GOLGB1: variants seen among roughly 807,000 people sequenced by gnomAD.
The protein encoded by GOLGB1 is golgin B1.
Under a neutral mutation model 336.9 loss-of-function variants are expected in GOLGB1, and 174 were observed. The observed-to-expected ratio is 0.52, with a 90% confidence interval of 0.46 to 0.59. The LOEUF (loss-of-function observed/expected upper bound fraction) is 0.59. GOLGB1 is among the 20% of genes least tolerant of loss of function. GOLGB1 has a pLI of 0.00. For missense variants in GOLGB1, 3,331 were observed against 3,645.3 expected (o/e 0.91, Z 2.22); for synonymous variants, 1,208 against 1,289.2 (o/e 0.94, Z 1.35).
Position 121,663,341 on chromosome 3 carries a change from G to A in GOLGB1, c.*1139C>T, listed in dbSNP as rs1169532966. ...TTCTCTCTTCTTTAGGGAGAGGCTA[G>A]GCAGTGAACACATCACGTATGCAAT... On this transcript the variant is annotated 3_prime_UTR_variant, in exon 22 of 22. Transcript: ENST00000614479. The A allele has an allele frequency of 6.6e-6, 1 of 152,194 alleles. No individual in the cohort carries two copies. The highest frequency in any genetic ancestry group is 1.5e-5 in the Non-Finnish European group (1 of 68,028). 9.4% of individuals were successfully genotyped at this position (152,194 alleles called of 1,614,324 possible). A position where few individuals can be genotyped will look rare whatever the true frequency, so the allele number is the denominator to read the frequency against.
chr3:121,704,884 A>C (rs939776335), intron 10 of GOLGB1, among the ~76,000 whole-genome samples: 1 of 152,094 alleles, frequency 6.6e-6, no homozygotes, highest in African/African-American at 2.4e-5. Context: ...ACATTTTTAG[A>C]TAAGAAAAAA....
Position 121,691,399 on chromosome 3 carries a change from G to A in GOLGB1, c.7965C>T (p.Ser2655=). Reference sequence around the variant, plus strand: ...CCAGTTCTGCAATTCTCTTTTGAGAGGAGGAAAACAAAGCACTTAACCTGT... The same window carrying A: ...CCAGTTCTGCAATTCTCTTTTGAGAAGAGGAAAACAAAGCACTTAACCTGT... ...EVHRLSALFS[S]SQKRIAELEE... Residue 2655 remains serine (S), a synonymous_variant, in exon 14 of 22, where the codon TCC becomes TCT. Transcript: ENST00000614479. 6.2e-7 allele frequency: 1 copy of A among 1,613,662 alleles called. No homozygotes were observed. Among genetic ancestry groups the A allele is most frequent in the Non-Finnish European group, 8.5e-7 (1 of 1,179,934 alleles).
chr3:121,696,953 G>A lies in GOLGB1; in HGVS notation c.3570C>T (p.Thr1190=), dbSNP rs1943002236. The A allele has an allele frequency of 6.2e-6, 10 of 1,614,012 alleles. No homozygotes were observed. Among genetic ancestry groups the A allele is most frequent in the Non-Finnish European group, 8.5e-6 (10 of 1,179,952 alleles). The change falls in exon 13 of 22, where the codon ACC becomes ACT. Residue 1190 remains threonine (T), a synonymous_variant. Coordinates refer to ENST00000614479, the MANE Select transcript of GOLGB1 (RefSeq NM_001366282.2). ...CCTTTTTAAGAATTGCCTTGCGGGAGGTTAAGGCTTCCTGTAGCTTCTTTT... is the reference window on the plus strand; with the variant it reads ...CCTTTTTAAGAATTGCCTTGCGGGAAGTTAAGGCTTCCTGTAGCTTCTTTT... ...QLQKKLQEAL[T]SRKAILKKAQ...
chr3:121,727,321 T>TATATATATA (rs1491103201), intron 4 of GOLGB1, among the ~76,000 whole-genome samples: 14 of 29,004 alleles, frequency 4.8e-4, no homozygotes, highest in East Asian at 3.0e-3. Flanking sequence ...TATATATATA[T>TATATATATA]TTTTTTTTTT....
At chr3:121,706,370 C>T (rs1317907058) in intron 10 of GOLGB1, among the ~76,000 whole-genome samples, 1 of 151,764 alleles carries the variant, frequency 6.6e-6, no homozygotes, top group Non-Finnish European at 1.5e-5. Context: ...TTCAAGTGCT[C>T]AAAAACAGTG....
chr3:121,729,024 G>T, intron 4 of GOLGB1, 164 bp downstream of exon 4: 1 of 457,382 alleles, frequency 2.2e-6, no homozygotes, highest in Non-Finnish European at 3.9e-6. Context: ...CCTGTGTGTG[G>T]CCTACAGTCC....
At chr3:121,731,082 G>T in intron 1 of GOLGB1, 109 bp from the exon 2 acceptor site, 2 of 1,099,934 alleles carry the variant, frequency 1.8e-6, no homozygotes, top group Non-Finnish European at 2.6e-6. Context: ...TACTGTACAG[G>T]TGATTTGTAT....
rs547002463 is a variant in GOLGB1 at position 121,698,589 on chromosome 3, G to A, written c.1934C>T (p.Ala645Val). Reference sequence around the variant, plus strand: ...TGTTCTACTTTGATGTTCAGTGCTCGCCTGTTCTTTTTCAACTGCTGGAAG... The same window carrying A: ...TGTTCTACTTTGATGTTCAGTGCTCACCTGTTCTTTTTCAACTGCTGGAAG... ...SSLPAVEKEQASTEHQSRTSE... is the reference protein window; with the variant it reads ...SSLPAVEKEQVSTEHQSRTSE... Residue 645 changes from alanine (A) to valine (V), a missense_variant, in exon 13 of 22, where the codon GCG becomes GTG. By Grantham distance (64) the Ala-to-Val change is moderately conservative. Coordinates refer to ENST00000614479, the MANE Select transcript of GOLGB1 (RefSeq NM_001366282.2). The A allele has an allele frequency of 1.7e-5, 28 of 1,613,612 alleles. No individual in the cohort carries two copies. Among genetic ancestry groups the A allele is most frequent in the Non-Finnish European group, 2.2e-5 (26 of 1,179,718 alleles).
chr3:121,680,043 G>A (rs1940890040), intron 15 of GOLGB1, among the ~76,000 whole-genome samples: 1 of 152,198 alleles, frequency 6.6e-6, no homozygotes, highest in Non-Finnish European at 1.5e-5. Context: ...TGGCAATAAT[G>A]AGGTGCCCCT....
At chr3:121,721,349 C>G (rs995872518) in intron 6 of GOLGB1, among the ~76,000 whole-genome samples, 2 of 151,902 alleles carry the variant, frequency 1.3e-5, no homozygotes, top group Non-Finnish European at 2.9e-5. Context: ...CCCCACCCCC[C>G]AAAAAAAATT....
In GOLGB1 at chr3:121,693,827, T is replaced by C. The variant is rs1942687993; in HGVS notation, c.6696A>G (p.Arg2232=). 1 of 1,609,200 alleles carries C rather than the reference T, an allele frequency of 6.2e-7. No homozygotes were observed. Among genetic ancestry groups the C allele is most frequent in the Non-Finnish European group, 8.5e-7 (1 of 1,175,512 alleles). ...DAIQSKEEEI[R]LKEDNCSVLK... ...GAACACTGCAATTATCTTCTTTGAGTCTAATTTCTTCTTCTTTGCTTTGAA... is the reference window on the plus strand; with the variant it reads ...GAACACTGCAATTATCTTCTTTGAGCCTAATTTCTTCTTCTTTGCTTTGAA... The change falls in exon 13 of 22, where the codon AGA becomes AGG. Residue 2232 remains arginine, a synonymous_variant. Transcript: ENST00000614479.
Position 121,691,011 on chromosome 3 carries a change from C to A in GOLGB1, c.8353G>T (p.Glu2785Ter). The change falls in exon 14 of 22, where the codon GAG (glutamate) becomes TAG (stop). Residue 2785 changes from glutamate to a stop codon, truncating the protein, a stop_gained. Coordinates refer to ENST00000614479, the MANE Select transcript of GOLGB1 (RefSeq NM_001366282.2). LOFTEE classifies it high-confidence loss of function. Reference protein sequence around the residue: ...QLKEQGLLNRERDALLSETAF... With the variant: ...QLKEQGLLNR ...GTTTCAGAAAGAAGAGCATCTCTCT[C>A]TCTGTTTAAGAGTCCCTGTTCTTTC... 6.2e-7 allele frequency: 1 copy of A among 1,613,818 alleles called. No individual in the cohort carries two copies. The highest frequency in any genetic ancestry group is 8.5e-7 in the Non-Finnish European group (1 of 1,179,786).
intron 1 of GOLGB1, among the ~76,000 whole-genome samples, chr3:121,742,548 A>G (rs891650708): frequency 7.2e-5 from 11 of 152,238 alleles, no homozygotes; most frequent in Non-Finnish European, 1.3e-4. Context: ...CATTCAGGAC[A>G]TAGGCATGGG....
chr3:121,669,691 C>CAGT lies in GOLGB1; in HGVS notation c.9178-339_9178-337dup, dbSNP rs1939216984. Among the ~76,000 whole-genome samples the CAGT allele has an allele frequency of 2.0e-5, 3 of 152,094 alleles. No individual in the cohort carries two copies. The South Asian group carries it at 6.2e-4, about 32-fold the overall frequency. On this transcript the variant is annotated intron_variant, in intron 17 of 21. Transcript: ENST00000614479. ...TTCTGGGTACATAAGAGGGAGAAGG[C>CAGT]AGTACCTCAGGGTCAAAGTTCATGG...
At chr3:121,674,291 T>C (rs185991642) in intron 17 of GOLGB1, among the ~76,000 whole-genome samples, 10 of 152,278 alleles carry the variant, frequency 6.6e-5, no homozygotes, top group Admixed American at 6.5e-4. Context: ...TCTAATAATA[T>C]ATTGAATAAC....
chr3:121,664,486 A>G lies in GOLGB1; in HGVS notation c.9789T>C (p.His3263=). The G allele has an allele frequency of 6.2e-7, 1 of 1,613,858 alleles. No individual in the cohort carries two copies. The part of the protein sequence containing the change: ...HVLLILCFTG[H]L ...CAAAGAGTAACAACTAAGTCTATAG[A>G]TGGCCCGTAAAACACAGAATGAGCA... The change falls in exon 22 of 22, where the codon CAT becomes CAC. Residue 3263 remains histidine, a synonymous_variant. Transcript: ENST00000614479.
At chr3:121,726,433 CAAA>C (rs10547964) in intron 5 of GOLGB1, among the ~76,000 whole-genome samples, 107 of 61,428 alleles carry the variant, frequency 1.7e-3, no homozygotes, top group African/African-American at 6.8e-3. Flanking sequence ...CACCCTGTCT[CAAA>C]AAAAAAAAAA....
chr3:121,722,072 C>T (rs1293004138), intron 6 of GOLGB1, among the ~76,000 whole-genome samples, 190 bp downstream of exon 6: 1 of 152,158 alleles, frequency 6.6e-6, no homozygotes, highest in South Asian at 2.1e-4. Flanking sequence ...CTGGTGTTCC[C>T]TAATGACACA....
At chr3:121,721,467 A>G (rs927945668) in intron 6 of GOLGB1, among the ~76,000 whole-genome samples, 6 of 152,188 alleles carry the variant, frequency 3.9e-5, no homozygotes, top group African/African-American at 1.2e-4. Flanking sequence ...TCTCTTCAAA[A>G]AATGTAAAAA....
Sources: gnomAD v4.1 joint callset for allele counts (sites outside exome capture counted in the v4.1 genomes callset) on GRCh38, gnomAD v4.1.1 for gene constraint, MANE v1.5 for transcripts, NCBI Gene and HGNC (gene_info 2026-07-23, HGNC 2026-07-21) for gene names.